BTBD16: variants seen among roughly 807,000 people sequenced by gnomAD.
The protein encoded by BTBD16 is BTB/POZ domain-containing protein 16.
BTBD16 carries 66 observed loss-of-function variants against 67.4 expected under a neutral mutation model. That is an observed-to-expected ratio of 0.98 (90% CI 0.80 to 1.20). The LOEUF (loss-of-function observed/expected upper bound fraction) is 1.20, where lower values mean the gene tolerates loss of function less well. Among genes scored for constraint, BTBD16 ranks in the 50% most tolerant of loss-of-function variants. The pLI, the probability that BTBD16 is intolerant of heterozygous loss-of-function variation, is 0.00. For synonymous variants in BTBD16, 242 were observed against 236.4 expected, an observed-to-expected ratio of 1.02 and a Z score of -0.22; for missense variants, 634 against 616.0, an observed-to-expected ratio of 1.03 and a Z score of -0.31.
chr10:122,332,607 T>TGGTAGGAA, intron 13 of BTBD16, 94 bp downstream of exon 13: 2 of 1,328,406 alleles, frequency 1.5e-6, no homozygotes, highest in Non-Finnish European at 2.1e-6. Context: ...TTCTGGCTCC[T>TGGTAGGAA]GGTAGGAAGG....
chr10:122,288,898 C>T (rs73359785), intron 5 of BTBD16, among the ~76,000 whole-genome samples: 11,343 of 151,984 alleles, frequency 0.075, 580 homozygotes, highest in African/African-American at 0.14. Context: ...GGGTTGCAGG[C>T]CATGTGGGAA....
At chr10:122,289,830 C>T (rs1367008756) in intron 5 of BTBD16, 79 bp from the exon 6 acceptor site, 2 of 902,698 alleles carry the variant, frequency 2.2e-6, no homozygotes, top group Non-Finnish European at 3.7e-6. Flanking sequence ...CATGGTCATG[C>T]CAGGGTGGTG....
Position 122,307,261 on chromosome 10 carries a change from G to A in BTBD16, c.864G>A (p.Lys288=), listed in dbSNP as rs2096405289. The A allele has an allele frequency of 1.9e-6, 3 of 1,609,790 alleles. No individual in the cohort carries two copies. In the South Asian group the frequency reaches 3.3e-5, roughly 18 times the overall value. ...GGGTCTTCTTGCAACTGAACTACAA[G>A]ATTCAGGCAATTCCGACTTATGAAA... ...LLWVFLQLNY[K]IQAIPTYETV... Residue 288 remains lysine, a synonymous_variant, in exon 10 of 16, where the codon AAG becomes AAA. Transcript: ENST00000260723.
Position 122,286,103 on chromosome 10 carries a change from A to G in BTBD16, c.242-2A>G. Reference sequence around the variant, plus strand: ...TTGCTCAGCATCATTTTCTGTCCTCAGATGTGATTCTCGAGTGCCTGGGCT... The same window carrying G: ...TTGCTCAGCATCATTTTCTGTCCTCGGATGTGATTCTCGAGTGCCTGGGCT... On this transcript the variant is annotated splice_acceptor_variant, in intron 4 of 15. Coordinates refer to ENST00000260723, the MANE Select transcript of BTBD16 (RefSeq NM_144587.5). LOFTEE classifies it high-confidence loss of function. 6.2e-7 allele frequency: 1 copy of G among 1,612,728 alleles called. No homozygotes were observed. The highest frequency in any genetic ancestry group is 1.1e-5 in the South Asian group (1 of 90,890).
At chr10:122,314,940 A>G (rs577314987) in intron 10 of BTBD16, among the ~76,000 whole-genome samples, 1 of 151,504 alleles carries the variant, frequency 6.6e-6, no homozygotes, top group Non-Finnish European at 1.5e-5. Context: ...TCTGATAATG[A>G]ACATCTTTTT....
At chr10:122,328,553 C>G (rs768475389) in intron 10 of BTBD16, among the ~76,000 whole-genome samples, 2 of 152,210 alleles carry the variant, frequency 1.3e-5, no homozygotes, top group African/African-American at 2.4e-5. Context: ...GAAGGGACCA[C>G]AGGGCCAGTG....
intron 10 of BTBD16, among the ~76,000 whole-genome samples, chr10:122,310,655 G>T (rs2142098774): frequency 6.6e-6 from 1 of 152,332 alleles, no homozygotes. Flanking sequence ...ACAGTAAACA[G>T]GCTCGGAAAT....
chr10:122,288,843 C>T (rs1040678811), intron 5 of BTBD16, among the ~76,000 whole-genome samples: 4 of 151,996 alleles, frequency 2.6e-5, no homozygotes, highest in East Asian at 1.9e-4. Context: ...AGGAGCATGC[C>T]GGTGAGGGGC....
intron 10 of BTBD16, among the ~76,000 whole-genome samples, chr10:122,315,090 C>T (rs2096421576): frequency 6.6e-6 from 1 of 152,142 alleles, no homozygotes; most frequent in Non-Finnish European, 1.5e-5. Flanking sequence ...ACGAGTGAAT[C>T]TTACCAACTT....
At chr10:122,298,603 C>G (rs955753925) in intron 8 of BTBD16, among the ~76,000 whole-genome samples, 1 of 152,052 alleles carries the variant, frequency 6.6e-6, no homozygotes, top group African/African-American at 2.4e-5. Flanking sequence ...CGAGGTACAC[C>G]CCTTGGGCCC....
chr10:122,332,404 A>G (rs1178979181), intron 12 of BTBD16, 32 bp from the exon 13 acceptor site: 1 of 1,610,074 alleles, frequency 6.2e-7, no homozygotes, highest in Non-Finnish European at 8.5e-7. Context: ...AGAGGATCCC[A>G]CCGTGGTCAG....
chr10:122,307,597 A>G (rs2096405915), intron 10 of BTBD16, among the ~76,000 whole-genome samples: 1 of 152,122 alleles, frequency 6.6e-6, no homozygotes, highest in South Asian at 2.1e-4. Context: ...CTTCAGGAAA[A>G]TGACCACACT....
At chr10:122,305,955 T>A (rs1313556319) in intron 9 of BTBD16, among the ~76,000 whole-genome samples, 1 of 152,196 alleles carries the variant, frequency 6.6e-6, no homozygotes, top group Non-Finnish European at 1.5e-5. Flanking sequence ...TTTTATGGTG[T>A]ATATGTACCA....
At position 122,276,040 on chromosome 10, in the gene BTBD16, A is replaced by G. The variant is rs7924128; in HGVS notation, c.19-751A>G. Reference sequence around the variant, plus strand: ...TTATTCAGCCTTAAAAGAATGAAGTACCAATACATGGATGAACCTTGAAAA... The same window carrying G: ...TTATTCAGCCTTAAAAGAATGAAGTGCCAATACATGGATGAACCTTGAAAA... On this transcript the variant is annotated intron_variant, in intron 2 of 15. Coordinates refer to ENST00000260723, the MANE Select transcript of BTBD16 (RefSeq NM_144587.5). 3.9e-3 allele frequency among the ~76,000 whole-genome samples: 598 copies of G among 152,374 alleles called. 7 individuals are homozygous for G. The highest frequency in any genetic ancestry group is 0.013 in the African/African-American group (538 of 41,588).
chr10:122,273,188 A>T (rs777227388), intron 1 of BTBD16, among the ~76,000 whole-genome samples: 1 of 150,282 alleles, frequency 6.7e-6, no homozygotes, highest in African/African-American at 2.4e-5. Context: ...CACTTGGAAG[A>T]CTATTTCATA....
chr10:122,273,793 T>C (rs892087900), intron 1 of BTBD16, among the ~76,000 whole-genome samples: 1 of 152,186 alleles, frequency 6.6e-6, no homozygotes, highest in East Asian at 1.9e-4. Flanking sequence ...AATTTTTCTT[T>C]CCTGTCATTG....
intron 13 of BTBD16, among the ~76,000 whole-genome samples, chr10:122,333,419 T>C (rs778016623): frequency 1.3e-5 from 2 of 152,178 alleles, no homozygotes; most frequent in Non-Finnish European, 1.5e-5. Flanking sequence ...GAGTAAATAA[T>C]ATCGTCACTG....
intron 3 of BTBD16, 117 bp downstream of exon 3, chr10:122,277,056 G>A: frequency 8.1e-7 from 1 of 1,229,502 alleles, no homozygotes; most frequent in South Asian, 1.8e-5. Context: ...CATCTGCAAG[G>A]AAGGCTCCCT....
chr10:122,314,926 G>A (rs557419521), intron 10 of BTBD16, among the ~76,000 whole-genome samples: 5 of 152,052 alleles, frequency 3.3e-5, no homozygotes, highest in South Asian at 2.1e-4. Flanking sequence ...TGACATGAAC[G>A]TCATCTGATA....
Sources: allele counts gnomAD v4.1 joint callset (sites outside exome capture counted in the v4.1 genomes callset), GRCh38; gene constraint gnomAD v4.1.1; transcripts MANE v1.5; gene names NCBI Gene and HGNC (gene_info 2026-07-23, HGNC 2026-07-21).